MITF: variants seen among roughly 807,000 people sequenced by gnomAD.
MITF encodes the protein microphthalmia-associated transcription factor.
Under a neutral mutation model 60.5 loss-of-function variants are expected in MITF, and 17 were observed. The ratio of observed to expected loss-of-function variants is 0.28; its 90% CI spans 0.19 to 0.42. The LOEUF is 0.42. MITF is among the 10% of genes least tolerant of loss of function. The pLI is 1.00. For synonymous variants in MITF, 260 were observed against 248.5 expected (o/e 1.05, Z -0.43); for missense variants, 622 against 683.5 (o/e 0.91, Z 1.00).
At chr3:69,962,359 C>T (rs960409378) in intron 9 of MITF, among the ~76,000 whole-genome samples, 2 of 152,076 alleles carry the variant, frequency 1.3e-5, no homozygotes, top group Non-Finnish European at 2.9e-5. Flanking sequence ...TCAAATGGTG[C>T]CTGAAGAAAC....
intron 9 of MITF, among the ~76,000 whole-genome samples, chr3:69,959,860 A>G (rs1450904643): frequency 2.0e-5 from 3 of 152,216 alleles, no homozygotes; most frequent in Non-Finnish European, 4.4e-5. Context: ...CCTGAGGGCA[A>G]GAAGGCCGTG....
At chr3:69,904,155 TG>T (rs2065050398) in intron 2 of MITF, among the ~76,000 whole-genome samples, 2 of 152,140 alleles carry the variant, frequency 1.3e-5, no homozygotes, top group Admixed American at 1.3e-4. Flanking sequence ...TTGCACTCTC[TG>T]GGATTTCCAT....
At chr3:69,750,829 A>C (rs1436912682) in intron 1 of MITF, among the ~76,000 whole-genome samples, 1 of 152,144 alleles carries the variant, frequency 6.6e-6, no homozygotes, top group Non-Finnish European at 1.5e-5. Context: ...TGAACTTGTG[A>C]TAGAAAGCAT....
Position 69,949,103 on chromosome 3 carries a change from C to G in MITF, c.815C>G (p.Pro272Arg). 3 of 1,613,806 alleles carry G rather than the reference C, an allele frequency of 1.9e-6. No homozygotes were observed. Among genetic ancestry groups the G allele is most frequent in the Non-Finnish European group, 2.5e-6 (3 of 1,179,876 alleles). Reference sequence around the variant, plus strand: ...CTTTATGGAAACCAAGGTCTGCCCCCACCAGGCCTCACCATCAGCAACTCC... The same window carrying G: ...CTTTATGGAAACCAAGGTCTGCCCCGACCAGGCCTCACCATCAGCAACTCC... ...IDLYGNQGLPPPGLTISNSCP... is the reference protein window; with the variant it reads ...IDLYGNQGLPRPGLTISNSCP... Residue 272 changes from proline to arginine, a missense_variant, in exon 6 of 10, where the codon CCA becomes CGA. Pro to Arg is a moderately radical substitution (Grantham distance 103). Around this residue, in one of 5 missense-constraint regions of MITF, gnomAD observed 215 missense variants for 224.8 expected, o/e 0.96. Coordinates refer to ENST00000352241, the MANE Select transcript of MITF (RefSeq NM_001354604.2).
intron 2 of MITF, among the ~76,000 whole-genome samples, chr3:69,904,447 G>A (rs1243229871): frequency 6.6e-6 from 1 of 152,044 alleles, no homozygotes; most frequent in Non-Finnish European, 1.5e-5. Context: ...TCTTCTACTG[G>A]TCTGTCCTTC....
intron 1 of MITF, among the ~76,000 whole-genome samples, chr3:69,775,190 A>C (rs1457368154): frequency 6.6e-6 from 1 of 152,076 alleles, no homozygotes; most frequent in East Asian, 1.9e-4. Flanking sequence ...CCGTATGTTC[A>C]GTGTTTGTTT....
At chr3:69,760,187 A>G (rs1020110515) in intron 1 of MITF, among the ~76,000 whole-genome samples, 10 of 152,202 alleles carry the variant, frequency 6.6e-5, no homozygotes, top group African/African-American at 2.4e-4. Context: ...ATTTTGACAG[A>G]TTTTTAATCA....
chr3:69,950,451 TA>T (rs1445653800), intron 6 of MITF, among the ~76,000 whole-genome samples: 4 of 15,486 alleles, frequency 2.6e-4, no homozygotes, highest in East Asian at 0.036. Context: ...TTCTGAGTTA[TA>T]TATATATATA....
chr3:69,861,439 A>G (rs2064015141), intron 1 of MITF, among the ~76,000 whole-genome samples: 1 of 152,244 alleles, frequency 6.6e-6, no homozygotes, highest in African/African-American at 2.4e-5. Context: ...CTTCAAGAGC[A>G]CAAAACAAAA....
At chr3:69,934,716 C>T (rs892646663) in intron 2 of MITF, among the ~76,000 whole-genome samples, 7 of 152,220 alleles carry the variant, frequency 4.6e-5, no homozygotes, top group Admixed American at 4.6e-4. Flanking sequence ...TTCAAAGAAG[C>T]ACCAGGAAAT....
chr3:69,936,804 A>C (rs2065846533), intron 2 of MITF: 2 of 1,555,388 alleles, frequency 1.3e-6, no homozygotes, highest in East Asian at 4.5e-5. Context: ...TAATGCAATA[A>C]ATTGATTTAA....
chr3:69,951,946 A>C (rs1164865145), intron 7 of MITF, 60 bp downstream of exon 7: 1 of 1,286,514 alleles, frequency 7.8e-7, no homozygotes, highest in African/African-American at 1.5e-5. Context: ...TATATCAAAA[A>C]TGTTTCCAGA....
intron 1 of MITF, among the ~76,000 whole-genome samples, chr3:69,840,311 A>G (rs2063612528): frequency 6.6e-6 from 1 of 152,208 alleles, no homozygotes; most frequent in South Asian, 2.1e-4. Flanking sequence ...GAGGTTTGAG[A>G]AAATTAATTG....
chr3:69,845,438 C>CTTTTTTTTTTTTTT (rs202135701), intron 1 of MITF, among the ~76,000 whole-genome samples: 37 of 133,662 alleles, frequency 2.8e-4, no homozygotes, highest in Non-Finnish European at 4.1e-4. Flanking sequence ...TTTCTTTTTT[C>CTTTTTTTTTTTTTT]TTTCTTTTTT....
At chr3:69,869,710 C>T (rs2064187058) in intron 1 of MITF, among the ~76,000 whole-genome samples, 1 of 152,154 alleles carries the variant, frequency 6.6e-6, no homozygotes. Flanking sequence ...GCTATGAAAC[C>T]ACCCCAAAAC....
intron 1 of MITF, among the ~76,000 whole-genome samples, chr3:69,771,625 AGTAAGT>A (rs1418443928): frequency 1.3e-5 from 2 of 152,260 alleles, no homozygotes; most frequent in Admixed American, 6.5e-5. Flanking sequence ...AATACTGGAA[AGTAAGT>A]GTTACCATTG....
chr3:69,757,643 A>C lies in MITF; in HGVS notation c.104+17942A>C, dbSNP rs1470377702. Among the ~76,000 whole-genome samples the C allele has an allele frequency of 3.3e-5, 5 of 152,128 alleles. No homozygotes were observed. In the East Asian group the frequency reaches 7.7e-4, roughly 23 times the overall value. On this transcript the variant is annotated intron_variant, in intron 1 of 9. Coordinates refer to ENST00000352241, the MANE Select transcript of MITF (RefSeq NM_001354604.2). ...CCCTGAACTTGGGGAAGAGCCAGCT[A>C]TCAGAGATGAAAAAAAACAGTTTGG...
At chr3:69,823,458 G>T (rs2063308076) in intron 1 of MITF, among the ~76,000 whole-genome samples, 1 of 152,122 alleles carries the variant, frequency 6.6e-6, no homozygotes, top group Non-Finnish European at 1.5e-5. Flanking sequence ...GAGAGCCAAA[G>T]AAGCTCTCTG....
At chr3:69,750,123 T>A (rs539488686) in intron 1 of MITF, among the ~76,000 whole-genome samples, 9 of 152,320 alleles carry the variant, frequency 5.9e-5, no homozygotes, top group African/African-American at 2.2e-4. Flanking sequence ...GTCAATCTGC[T>A]GTCCTTAGGG....
Sources: gnomAD v4.1 joint callset for allele counts (sites outside exome capture counted in the v4.1 genomes callset) on GRCh38, gnomAD v4.1.1 for gene constraint, gnomAD v4.1.1 regional missense constraint, MANE v1.5 for transcripts, NCBI Gene and HGNC (gene_info 2026-07-23, HGNC 2026-07-21) for gene names.